The following CACNA2D3 variants were observed in gnomAD, a reference collection of about 807,000 sequenced individuals.
CACNA2D3 encodes calcium voltage-gated channel auxiliary subunit alpha2delta 3, also known as voltage-dependent calcium channel subunit alpha-2/delta-3.
In CACNA2D3, 60 loss-of-function variants were observed where a neutral mutation model predicts 160.6. That is an observed-to-expected ratio of 0.37 (90% CI 0.30 to 0.46). CACNA2D3 has a LOEUF of 0.46. CACNA2D3 is among the 20% of genes least tolerant of loss of function. The pLI is 1.00. For missense variants in CACNA2D3, 1,205 were observed against 1,365.0 expected (o/e 0.88, Z 1.85); for synonymous variants, 558 against 492.9 (o/e 1.13, Z -1.75).
chr3:54,752,592 C>T lies in CACNA2D3; in HGVS notation c.1168-7C>T. ...GCCGCTCAGCCATGCGTTTGTCTTC[C>T]CTTCAGGTTCGCATCTTCACATACC... On this transcript the variant is annotated splice_region_variant and splice_polypyrimidine_tract_variant and intron_variant, in intron 11 of 37. Transcript: ENST00000474759. 1 of 1,611,384 alleles carries T rather than the reference C, an allele frequency of 6.2e-7. No individual in the cohort carries two copies. The highest frequency in any genetic ancestry group is 8.5e-7 in the Non-Finnish European group (1 of 1,178,218).
intron 35 of CACNA2D3, among the ~76,000 whole-genome samples, chr3:55,070,157 T>A (rs1282967346): frequency 3.9e-5 from 6 of 152,182 alleles, no homozygotes; most frequent in African/African-American, 4.8e-5. Flanking sequence ...CCTTGGAAAC[T>A]ACAGTCTTTT....
At chr3:54,920,441 T>C (rs1700810526) in intron 27 of CACNA2D3, among the ~76,000 whole-genome samples, 1 of 152,138 alleles carries the variant, frequency 6.6e-6, no homozygotes, top group South Asian at 2.1e-4. Context: ...CCTCCTGGCT[T>C]CTCTAGCAAT....
intron 35 of CACNA2D3, among the ~76,000 whole-genome samples, chr3:55,063,986 G>A (rs527806351): frequency 1.6e-4 from 24 of 152,322 alleles, no homozygotes; most frequent in African/African-American, 5.5e-4. Flanking sequence ...TCTTTCTGTG[G>A]TCTCTCTTGA....
At chr3:54,402,439 A>G (rs1699485648) in intron 4 of CACNA2D3, among the ~76,000 whole-genome samples, 1 of 152,210 alleles carries the variant, frequency 6.6e-6, no homozygotes, top group African/African-American at 2.4e-5. Context: ...GGAATGGAAG[A>G]AGATATTGCA....
intron 13 of CACNA2D3, among the ~76,000 whole-genome samples, chr3:54,814,856 G>T (rs1333940478): frequency 2.0e-5 from 3 of 152,182 alleles, no homozygotes; most frequent in South Asian, 2.1e-4. Context: ...AGAGAGGCCT[G>T]CAAAGTCCAG....
intron 4 of CACNA2D3, among the ~76,000 whole-genome samples, chr3:54,493,725 C>T (rs1701153483): frequency 6.6e-6 from 1 of 152,254 alleles, no homozygotes; most frequent in Non-Finnish European, 1.5e-5. Flanking sequence ...TATCCGACAG[C>T]ATCCTGCTGC....
At chr3:54,983,479 T>C (rs1702550536) in intron 29 of CACNA2D3, among the ~76,000 whole-genome samples, 1 of 152,186 alleles carries the variant, frequency 6.6e-6, no homozygotes, top group Non-Finnish European at 1.5e-5. Context: ...CTTCTTCAAA[T>C]AGCAAAGCTG....
At chr3:54,623,275 C>T (rs1488401612) in intron 9 of CACNA2D3, among the ~76,000 whole-genome samples, 3 of 152,158 alleles carry the variant, frequency 2.0e-5, no homozygotes, top group African/African-American at 2.4e-5. Context: ...ACCTCCCGTG[C>T]GGTGGCAGGA....
At chr3:54,670,987 G>A (rs569575195) in intron 11 of CACNA2D3, among the ~76,000 whole-genome samples, 28 of 152,184 alleles carry the variant, frequency 1.8e-4, no homozygotes, top group Non-Finnish European at 3.7e-4. Context: ...TTAATAATCT[G>A]GTGGTGGACA....
At chr3:55,069,797 T>C (rs1208527087) in intron 35 of CACNA2D3, among the ~76,000 whole-genome samples, 1 of 152,212 alleles carries the variant, frequency 6.6e-6, no homozygotes. Context: ...ATTTATGCTT[T>C]ATCCCCAAAG....
chr3:54,478,129 T>C (rs1332300413), intron 4 of CACNA2D3, among the ~76,000 whole-genome samples: 1 of 152,186 alleles, frequency 6.6e-6, no homozygotes, highest in African/African-American at 2.4e-5. Flanking sequence ...TGGCTCATGA[T>C]ACAAGTTTTC....
At chr3:54,363,085 C>T (rs1698770543) in intron 3 of CACNA2D3, among the ~76,000 whole-genome samples, 1 of 151,910 alleles carries the variant, frequency 6.6e-6, no homozygotes, top group South Asian at 2.1e-4. Context: ...GTCCCAGCTA[C>T]TTGGGAGGCT....
chr3:54,927,082 T>A (rs1701043648), intron 27 of CACNA2D3, among the ~76,000 whole-genome samples: 1 of 152,244 alleles, frequency 6.6e-6, no homozygotes, highest in Non-Finnish European at 1.5e-5. Flanking sequence ...AATAGTTATC[T>A]ACTCAAAGTG....
chr3:54,216,030 C>A (rs1025812127), intron 2 of CACNA2D3, among the ~76,000 whole-genome samples: 2 of 152,078 alleles, frequency 1.3e-5, no homozygotes, highest in African/African-American at 4.8e-5. Context: ...TGTTGGTCCC[C>A]CGAATTAGGT....
In CACNA2D3 at chr3:54,386,761, A is replaced by T. The variant is rs770355127; in HGVS notation, c.368A>T (p.Asp123Val). 1 of 1,584,004 alleles carries T rather than the reference A, an allele frequency of 6.3e-7. No individual in the cohort carries two copies. Among genetic ancestry groups the T allele is most frequent in the Non-Finnish European group, 8.6e-7 (1 of 1,164,918 alleles). Residue 123 changes from aspartate to valine, a missense_variant, in exon 4 of 38, where the codon GAT becomes GTT. By Grantham distance (152) the Asp-to-Val change is radical (BLOSUM62 -3). This residue lies in a region of CACNA2D3 where 163 missense variants were observed against 161.3 expected (regional missense o/e 1.01). Coordinates refer to ENST00000474759, the MANE Select transcript of CACNA2D3 (RefSeq NM_018398.3). ...GAAGCACACCTGAAACATGAATTTG[A>T]TGCAGACTTACAGGTAACTGATTAT... ...AEEAHLKHEF[D>V]ADLQYEYFNA...
chr3:54,277,776 C>T (rs1702780873), intron 2 of CACNA2D3, among the ~76,000 whole-genome samples: 1 of 152,060 alleles, frequency 6.6e-6, no homozygotes. Context: ...AATGTTTTTC[C>T]ATTTGTTTGT....
At chr3:54,262,627 C>A (rs1449778117) in intron 2 of CACNA2D3, among the ~76,000 whole-genome samples, 1 of 152,018 alleles carries the variant, frequency 6.6e-6, no homozygotes, top group Non-Finnish European at 1.5e-5. Flanking sequence ...TCCATTCATT[C>A]AATCTGCAGA....
At chr3:54,295,384 G>A (rs1703316978) in intron 2 of CACNA2D3, among the ~76,000 whole-genome samples, 1 of 152,122 alleles carries the variant, frequency 6.6e-6, no homozygotes, top group African/African-American at 2.4e-5. Context: ...TTTTGCCAAG[G>A]TTAAGGACGT....
At chr3:54,287,578 A>G (rs1703066370) in intron 2 of CACNA2D3, among the ~76,000 whole-genome samples, 1 of 145,042 alleles carries the variant, frequency 6.9e-6, no homozygotes, top group Admixed American at 6.9e-5. Context: ...AAGCAGACCT[A>G]ATAGACATCT....
Sources: allele counts gnomAD v4.1 joint callset (sites outside exome capture counted in the v4.1 genomes callset), GRCh38; gene constraint gnomAD v4.1.1; regional missense constraint gnomAD v4.1.1; transcripts MANE v1.5; gene names NCBI Gene and HGNC (gene_info 2026-07-23, HGNC 2026-07-21).